WWOX: variants seen among roughly 807,000 people sequenced by gnomAD.
WWOX encodes the protein WW domain-containing oxidoreductase.
WWOX carries 69 observed loss-of-function variants against 46.2 expected under a neutral mutation model. The observed-to-expected ratio is 1.49, with a 90% CI of 1.23 to 1.82. The LOEUF is 1.82. Ranked by LOEUF, WWOX falls within the 40% of genes most tolerant of loss-of-function variation. The probability of loss-of-function intolerance (pLI) is 0.00; values close to 1 mark genes in which losing one functional copy is unlikely to be tolerated. For missense variants in WWOX, 919 were observed against 542.6 expected, an observed-to-expected ratio of 1.69 and a Z score of -6.89; for synonymous variants, 359 against 202.6, an observed-to-expected ratio of 1.77 and a Z score of -6.56.
At chr16:78,668,018 C>A (rs2047373010) in intron 8 of WWOX, among the ~76,000 whole-genome samples, 1 of 152,128 alleles carries the variant, frequency 6.6e-6, no homozygotes, top group Non-Finnish European at 1.5e-5. Flanking sequence ...GTGGCTCACA[C>A]CTGTAATCTT....
intron 5 of WWOX, among the ~76,000 whole-genome samples, chr16:78,241,507 C>T (rs1304942530): frequency 6.6e-6 from 1 of 152,140 alleles, no homozygotes; most frequent in Non-Finnish European, 1.5e-5. Flanking sequence ...CGGCTCACTG[C>T]AGACTCTTCC....
At chr16:78,707,568 A>G (rs2048350932) in intron 8 of WWOX, among the ~76,000 whole-genome samples, 1 of 152,136 alleles carries the variant, frequency 6.6e-6, no homozygotes, top group Admixed American at 6.6e-5. Context: ...AAGGCTACAG[A>G]TGCTCAAAAT....
chr16:78,345,662 A>G lies in WWOX; in HGVS notation c.517-41198A>G, dbSNP rs1256615289. On this transcript the variant is annotated intron_variant, in intron 5 of 8. Transcript: ENST00000566780. ...CTCAAAAAAAAAAAAAAAAAAAAAA[A>G]AGTAAAATAAAGCATGGGAAGTCCC... Among the ~76,000 whole-genome samples the G allele has an allele frequency of 2.1e-4, 22 of 102,624 alleles. 3 individuals are homozygous for G. Among genetic ancestry groups the G allele is most frequent in the African/African-American group, 7.4e-4 (21 of 28,200 alleles). The allele number at this position is 102,624 out of a possible 152,430, so 67.3% of individuals were successfully genotyped here.
chr16:78,442,734 C>A (rs575186024), intron 8 of WWOX, among the ~76,000 whole-genome samples: 1 of 152,080 alleles, frequency 6.6e-6, no homozygotes, highest in African/African-American at 2.4e-5. Context: ...AATCCCAGCA[C>A]TTTGGGAGGC....
At chr16:78,703,508 C>T (rs1207080755) in intron 8 of WWOX, among the ~76,000 whole-genome samples, 2 of 151,822 alleles carry the variant, frequency 1.3e-5, no homozygotes, top group Non-Finnish European at 2.9e-5. Flanking sequence ...TCCAGCTACT[C>T]AGAGGGAGGC....
intron 8 of WWOX, among the ~76,000 whole-genome samples, chr16:78,859,808 G>A (rs1007656243): frequency 1.8e-4 from 27 of 149,616 alleles, no homozygotes; most frequent in Non-Finnish European, 7.4e-5. Flanking sequence ...GGAAGAAAAT[G>A]AAGAGGAAAT....
intron 8 of WWOX, among the ~76,000 whole-genome samples, chr16:78,709,545 C>T (rs1420312553): frequency 2.0e-5 from 3 of 152,272 alleles, no homozygotes; most frequent in Admixed American, 1.3e-4. Context: ...TTCATTAGAA[C>T]ATCTTCCTGA....
At chr16:78,817,474 C>T (rs996202609) in intron 8 of WWOX, among the ~76,000 whole-genome samples, 1 of 152,154 alleles carries the variant, frequency 6.6e-6, no homozygotes, top group African/African-American at 2.4e-5. Flanking sequence ...GTTGGCTTCT[C>T]TGGATGTGCA....
rs537969998 is a variant in WWOX at position 78,818,087 on chromosome 16, C to G, written c.1056+385335C>G. On this transcript the variant is annotated intron_variant, in intron 8 of 8. Transcript: ENST00000566780. ...TAAAAGGGCCCATCAGAGCTAATCC[C>G]TATTGGGCTAATGTGGCCAGGCTTT... 2.6e-5 allele frequency among the ~76,000 whole-genome samples: 4 copies of G among 152,308 alleles called. No individual in the cohort carries two copies. The South Asian group carries it at 6.2e-4, about 24-fold the overall frequency.
intron 8 of WWOX, among the ~76,000 whole-genome samples, chr16:78,787,871 T>G (rs2050495413): frequency 6.6e-6 from 1 of 152,224 alleles, no homozygotes; most frequent in Non-Finnish European, 1.5e-5. Context: ...TATCGTGGTT[T>G]TGATTTGCAT....
At chr16:78,256,149 C>CAAAAAA (rs10557567) in intron 5 of WWOX, among the ~76,000 whole-genome samples, 3 of 65,458 alleles carry the variant, frequency 4.6e-5, no homozygotes, top group Non-Finnish European at 8.4e-5. Context: ...GACTCCATCT[C>CAAAAAA]AAAAAAAAAA....
intron 8 of WWOX, among the ~76,000 whole-genome samples, chr16:78,519,469 AT>A (rs1156380567): frequency 2.6e-5 from 4 of 151,400 alleles, no homozygotes; most frequent in Non-Finnish European, 5.9e-5. Flanking sequence ...TTTTTTCTTC[AT>A]TTATATTATA....
chr16:79,085,239 T>C (rs2048833176), intron 8 of WWOX, among the ~76,000 whole-genome samples: 1 of 152,210 alleles, frequency 6.6e-6, no homozygotes, highest in South Asian at 2.1e-4. Context: ...GCTATATTAG[T>C]TGTTTTCTCT....
chr16:79,057,215 G>T (rs571556276), intron 8 of WWOX, among the ~76,000 whole-genome samples: 3 of 151,292 alleles, frequency 2.0e-5, no homozygotes, highest in African/African-American at 7.3e-5. Flanking sequence ...GACAAGAATT[G>T]CCTGGACCTC....
intron 8 of WWOX, among the ~76,000 whole-genome samples, chr16:78,715,458 AC>A (rs2048539422): frequency 6.7e-6 from 1 of 149,700 alleles, no homozygotes; most frequent in Non-Finnish European, 1.5e-5. Flanking sequence ...GTCTGACTCC[AC>A]CCCACCCCCA....
chr16:78,963,567 T>A (rs529613439), intron 8 of WWOX, among the ~76,000 whole-genome samples: 1 of 152,344 alleles, frequency 6.6e-6, no homozygotes, highest in East Asian at 1.9e-4. Context: ...CTTGAATTAC[T>A]GAATTAGAGT....
intron 8 of WWOX, among the ~76,000 whole-genome samples, chr16:78,723,540 C>T (rs2048743088): frequency 6.6e-6 from 1 of 150,950 alleles, no homozygotes; most frequent in South Asian, 2.1e-4. Context: ...ACTTCTTCTA[C>T]CTTGATTCCC....
intron 8 of WWOX, among the ~76,000 whole-genome samples, chr16:79,022,527 C>T (rs981651453): frequency 2.0e-5 from 3 of 151,878 alleles, no homozygotes; most frequent in Non-Finnish European, 4.4e-5. Context: ...CATATGTTCC[C>T]GATGATTGCT....
chr16:78,978,848 C>T (rs1244319901), intron 8 of WWOX, among the ~76,000 whole-genome samples: 1 of 152,160 alleles, frequency 6.6e-6, no homozygotes, highest in East Asian at 1.9e-4. Context: ...GCCCCACCTC[C>T]AACACTGGGG....
Sources: gnomAD v4.1 joint callset for allele counts (sites outside exome capture counted in the v4.1 genomes callset) on GRCh38, gnomAD v4.1.1 for gene constraint, MANE v1.5 for transcripts, NCBI Gene and HGNC (gene_info 2026-07-23, HGNC 2026-07-21) for gene names.